Variants in ZER1 observed in about 807,000 individuals in gnomAD.
The protein encoded by ZER1 is protein zer-1 homolog.
Under a neutral mutation model 78.8 loss-of-function variants are expected in ZER1, and 11 were observed. The observed-to-expected ratio is 0.14, with a 90% confidence interval of 0.09 to 0.23. ZER1 has a LOEUF of 0.23. Among genes scored for constraint, ZER1 ranks in the 10% least tolerant of loss-of-function variants. ZER1 has a pLI of 1.00. For missense variants in ZER1, 588 were observed against 996.9 expected (o/e 0.59, Z 5.52); for synonymous variants, 400 against 407.0 (o/e 0.98, Z 0.21).
In ZER1 at chr9:128,741,592, G is replaced by A. The variant is rs1304649186; in HGVS notation, c.1680C>T (p.Asp560=). 2 of 1,614,176 alleles carry A rather than the reference G, an allele frequency of 1.2e-6. No individual in the cohort carries two copies. Among genetic ancestry groups the A allele is most frequent in the South Asian group, 1.1e-5 (1 of 91,086 alleles). ...ALWNITDETP[D]NCEMFLNFNG... is the part of the protein sequence containing the mutation. ...TGAAATTGAGGAACATCTCGCAGTTGTCAGGAGTTTCATCTGTGATGTTCC... is the reference window on the plus strand; with the variant it reads ...TGAAATTGAGGAACATCTCGCAGTTATCAGGAGTTTCATCTGTGATGTTCC... The change falls in exon 11 of 16, where the codon GAC becomes GAT. Residue 560 remains aspartate (D), a synonymous_variant. Coordinates refer to ENST00000291900, the MANE Select transcript of ZER1 (RefSeq NM_006336.4).
In ZER1 at chr9:128,753,947, C is replaced by T. The variant is rs760609651; in HGVS notation, c.171G>A (p.Leu57=). 20 of 1,587,676 alleles carry T rather than the reference C, an allele frequency of 1.3e-5. No homozygotes were observed. The highest frequency in any genetic ancestry group is 4.6e-5 in the East Asian group (2 of 43,040). The change falls in exon 3 of 16, where the codon CTG becomes CTA. Residue 57 remains leucine (L), a synonymous_variant. Coordinates refer to ENST00000291900, the MANE Select transcript of ZER1 (RefSeq NM_006336.4). This position sits in a 1 kb window ranked among gnomAD's most constrained non-coding sequence, Gnocchi z 7.5. ...CDRLVNEYVE[L]VNAACNFEPH... is the part of the protein sequence containing the mutation. ...GCTCGAAGTTACAGGCAGCGTTCAC[C>T]AGCTCCACATACCTGGGAGAGAAAA...
chr9:128,764,301 G>A (rs1364717700), intron 1 of ZER1, among the ~76,000 whole-genome samples: 8 of 152,124 alleles, frequency 5.3e-5, no homozygotes, highest in African/African-American at 1.4e-4. Context: ...GTACACTCTC[G>A]CATTCTCCCT....
intron 1 of ZER1, among the ~76,000 whole-genome samples, chr9:128,768,833 A>G (rs527452890): frequency 1.2e-4 from 18 of 152,184 alleles, no homozygotes; most frequent in South Asian, 8.3e-4. Context: ...CTCCAACCAC[A>G]TATCTAGGCC....
Position 128,735,777 on chromosome 9 carries a change from T to G in ZER1, c.2043-346A>C, listed in dbSNP as rs1263950351. Among the ~76,000 whole-genome samples, 56 of 136,420 alleles carry G rather than the reference T, an allele frequency of 4.1e-4. 3 individuals are homozygous for G. Among genetic ancestry groups the G allele is most frequent in the East Asian group, 1.5e-3 (7 of 4,660 alleles). 89.5% of individuals were successfully genotyped at this position (136,420 alleles called of 152,430 possible). A position where few individuals can be genotyped will look rare whatever the true frequency, so the allele number is the denominator to read the frequency against. ...TGTGACCTGGTTTTTTTTTTTTTTT[T>G]TTTTTTTTTTTTTTTTGTGAGACGG... On this transcript the variant is annotated intron_variant, in intron 13 of 15. Transcript: ENST00000291900.
chr9:128,766,295 G>A (rs529162837), intron 1 of ZER1, among the ~76,000 whole-genome samples: 1 of 145,074 alleles, frequency 6.9e-6, no homozygotes, highest in South Asian at 2.2e-4. Flanking sequence ...GTTCCAGTGA[G>A]CCAAGATTGC....
chr9:128,752,555 A>C, intron 5 of ZER1, 118 bp downstream of exon 5: 1 of 1,155,116 alleles, frequency 8.7e-7, no homozygotes, highest in Non-Finnish European at 1.2e-6. Context: ...TCCTGGCCTC[A>C]AGTGATCCGC....
At chr9:128,758,860 C>T (rs1863948112) in intron 1 of ZER1, among the ~76,000 whole-genome samples, 1 of 152,066 alleles carries the variant, frequency 6.6e-6, no homozygotes, top group South Asian at 2.1e-4. Context: ...TGTGGTTACC[C>T]GGGGAGGTGA....
chr9:128,748,861 C>T (rs1217760184), intron 8 of ZER1, among the ~76,000 whole-genome samples: 1 of 151,158 alleles, frequency 6.6e-6, no homozygotes, highest in Admixed American at 6.6e-5. Flanking sequence ...TGTGAGCCAC[C>T]GTGGCCAGCT....
At chr9:128,744,196 ATTTTG>A (rs1338474431) in intron 8 of ZER1, among the ~76,000 whole-genome samples, 1 of 141,230 alleles carries the variant, frequency 7.1e-6, no homozygotes, top group African/African-American at 2.7e-5. Flanking sequence ...TGTGCCCAGC[ATTTTG>A]TTTTGAGATG....
Position 128,754,278 on chromosome 9 carries a change from A to G in ZER1, c.159-319T>C, listed in dbSNP as rs1863786793. On this transcript the variant is annotated intron_variant, in intron 2 of 15. Transcript: ENST00000291900. This position sits in a 1 kb window ranked among gnomAD's most constrained non-coding sequence, Gnocchi z 4.3. ...CCCCACTGGCATGGCCACTCTCGTC[A>G]CCTTCTTTAAGCCCCTCCTGCGACC... Among the ~76,000 whole-genome samples, 1 of 152,078 alleles carries G rather than the reference A, an allele frequency of 6.6e-6. No individual in the cohort carries two copies. The highest frequency in any genetic ancestry group is 1.5e-5 in the Non-Finnish European group (1 of 68,008).
chr9:128,734,127 C>CAA (rs1203049523), intron 14 of ZER1, among the ~76,000 whole-genome samples: 1 of 5,928 alleles, frequency 1.7e-4, no homozygotes, highest in African/African-American at 5.3e-4. Context: ...AACTCCGTCT[C>CAA]AAAAAAAAAA....
intron 8 of ZER1, 26 bp downstream of exon 8, chr9:128,750,590 C>A (rs367739970): frequency 5.0e-6 from 8 of 1,609,194 alleles, no homozygotes; most frequent in Non-Finnish European, 6.8e-6. Context: ...CCAGAGCATG[C>A]GGGGCCGTGG....
At chr9:128,744,485 T>G (rs1199773251) in intron 8 of ZER1, among the ~76,000 whole-genome samples, 1 of 143,554 alleles carries the variant, frequency 7.0e-6, no homozygotes, top group East Asian at 2.0e-4. Flanking sequence ...TGCAGGGCCT[T>G]TTTTTTTTTT....
chr9:128,766,995 T>G (rs575894847), intron 1 of ZER1, among the ~76,000 whole-genome samples: 14 of 150,994 alleles, frequency 9.3e-5, no homozygotes, highest in African/African-American at 3.2e-4. Context: ...CAAGCTGGAG[T>G]GCAATGGCAC....
intron 1 of ZER1, among the ~76,000 whole-genome samples, chr9:128,759,877 TTTGG>T (rs1564408388): frequency 1.3e-5 from 2 of 152,130 alleles, no homozygotes; most frequent in Admixed American, 6.5e-5. Context: ...TGTTTGTTTG[TTTGG>T]TTGGTTGTTT....
chr9:128,761,518 C>T (rs1166547055), intron 1 of ZER1, among the ~76,000 whole-genome samples: 1 of 75,470 alleles, frequency 1.3e-5, no homozygotes, highest in East Asian at 3.9e-4. Context: ...AACTCCTGAG[C>T]TCAGGTGATC....
intron 13 of ZER1, among the ~76,000 whole-genome samples, chr9:128,738,530 C>T (rs1258036484): frequency 7.0e-6 from 1 of 143,060 alleles, no homozygotes; most frequent in Non-Finnish European, 1.5e-5. Flanking sequence ...GGACTACAGG[C>T]GCATGCCACC....
intron 13 of ZER1, among the ~76,000 whole-genome samples, chr9:128,735,788 T>TTTTTTTG (rs1863054943): frequency 7.3e-6 from 1 of 137,868 alleles, no homozygotes. Flanking sequence ...TTTTTTTTTT[T>TTTTTTTG]TTTTTGTGAG....
At position 128,753,926 on chromosome 9, in the gene ZER1, G is replaced by A. The variant is rs370841637; in HGVS notation, c.192C>T (p.Phe64=). The A allele has an allele frequency of 2.2e-4, 352 of 1,592,176 alleles. 1 individual carries two copies. Among genetic ancestry groups the A allele is most frequent in the Admixed American group, 4.4e-4 (25 of 56,398 alleles). Residue 64 remains phenylalanine, a synonymous_variant, in exon 3 of 16, where the codon TTC becomes TTT. Transcript: ENST00000291900. The surrounding 1 kb of genome is among the most constrained non-coding windows in gnomAD (Gnocchi z 7.5). ...GGCTGAAGAAGCTCTCGTGTGGCTC[G>A]AAGTTACAGGCAGCGTTCACCAGCT... ...YVELVNAACN[F]EPHESFFSLF...
Sources: allele counts gnomAD v4.1 joint callset (sites outside exome capture counted in the v4.1 genomes callset), GRCh38; gene constraint gnomAD v4.1.1; non-coding constraint Gnocchi (gnomAD v3.1); transcripts MANE v1.5; gene names NCBI Gene and HGNC (gene_info 2026-07-23, HGNC 2026-07-21).